KNDC1: variants seen among roughly 807,000 people sequenced by gnomAD.
KNDC1 encodes the protein kinase non-catalytic C-lobe domain containing 1.
A neutral mutation model predicts 172.8 loss-of-function variants in KNDC1; 106 were observed. The observed-to-expected ratio is 0.61, with a 90% CI of 0.52 to 0.72. The LOEUF is 0.72. KNDC1 is among the 30% of genes least tolerant of loss of function. The pLI is 0.00. For missense variants in KNDC1, 2,325 were observed against 2,394.5 expected (o/e 0.97, Z 0.61); for synonymous variants, 1,083 against 1,062.2 (o/e 1.02, Z -0.38).
At chr10:133,177,830 T>C (rs1453858201) in intron 3 of KNDC1, among the ~76,000 whole-genome samples, 5 of 151,928 alleles carry the variant, frequency 3.3e-5, no homozygotes, top group Non-Finnish European at 7.4e-5. Flanking sequence ...TGGTGTAATG[T>C]GTGCGTGCAT....
In KNDC1 at chr10:133,199,182, T is replaced by C; in HGVS notation, c.2674T>C (p.Ser892Pro). 1 of 1,595,538 alleles carries C rather than the reference T, an allele frequency of 6.3e-7. No individual in the cohort carries two copies. The highest frequency in any genetic ancestry group is 8.5e-7 in the Non-Finnish European group (1 of 1,171,804). ...SPLPGRTACP[S>P]LQEATRLIQE... ...ACTCCCAGGGAGGACGGCCTGCCCG[T>C]CGCTGCAGGAGGCCACGCGCCTCAT... Residue 892 changes from serine (S) to proline (P), a missense_variant, in exon 14 of 30, where the codon TCG becomes CCG. Physicochemically the swap from Ser to Pro is moderately conservative, Grantham distance 74. Coordinates refer to ENST00000304613, the MANE Select transcript of KNDC1 (RefSeq NM_152643.8).
intron 1 of KNDC1, among the ~76,000 whole-genome samples, chr10:133,166,922 C>T (rs1005506071): frequency 6.6e-6 from 1 of 152,158 alleles, no homozygotes; most frequent in East Asian, 1.9e-4. Flanking sequence ...GTTGGCAGCG[C>T]GTGTGGTTGT....
At position 133,186,458 on chromosome 10, in the gene KNDC1, A is replaced by G. The variant is rs1290565105; in HGVS notation, c.1110A>G (p.Glu370=). 2 of 1,612,384 alleles carry G rather than the reference A, an allele frequency of 1.2e-6. No individual in the cohort carries two copies. The highest frequency in any genetic ancestry group is 1.3e-5 in the African/African-American group (1 of 74,916). ...GGCTGTGGCCGGAGCAGGAGCCGGA[A>G]CACCAGCTGGGACGGGTTCCCTGTG... is the stretch of plus-strand genomic sequence containing the variant. ...KCRLWPEQEP[E]HQLGRVPCAG... is the part of the protein sequence containing the mutation. Residue 370 remains glutamate (E), a synonymous_variant, in exon 6 of 30, where the codon GAA becomes GAG. Coordinates refer to ENST00000304613, the MANE Select transcript of KNDC1 (RefSeq NM_152643.8).
chr10:133,165,589 G>A (rs767099260), intron 1 of KNDC1, among the ~76,000 whole-genome samples: 9 of 152,238 alleles, frequency 5.9e-5, no homozygotes, highest in Non-Finnish European at 1.0e-4. Context: ...GTCTGTGCCC[G>A]TGTTTGCAGG....
chr10:133,213,773 G>A lies in KNDC1; in HGVS notation c.4526+46G>A, dbSNP rs200353232. 1.8e-5 allele frequency: 28 copies of A among 1,570,814 alleles called. No individual in the cohort carries two copies. In the East Asian group the frequency reaches 2.9e-4, roughly 16 times the overall value. Reference sequence around the variant, plus strand: ...GCTGGGAGCGGTGGTGGAGGGTCTCGGGGGCTTCCCGTAAGAGTCTTGTGG... The same window carrying A: ...GCTGGGAGCGGTGGTGGAGGGTCTCAGGGGCTTCCCGTAAGAGTCTTGTGG... On this transcript the variant is annotated intron_variant, in intron 25 of 29. Transcript: ENST00000304613.
chr10:133,180,891 G>A (rs1475462194), intron 3 of KNDC1, among the ~76,000 whole-genome samples: 2 of 152,384 alleles, frequency 1.3e-5, no homozygotes, highest in East Asian at 3.9e-4. Flanking sequence ...AACTCGACGA[G>A]TGAGTTTACT....
intron 3 of KNDC1, among the ~76,000 whole-genome samples, chr10:133,181,009 C>G (rs967259586): frequency 6.6e-6 from 1 of 152,194 alleles, no homozygotes; most frequent in Admixed American, 6.5e-5. Flanking sequence ...GTGGAGGTGA[C>G]CTGGGACCCA....
In KNDC1 at chr10:133,212,794, G is replaced by A. The variant is rs375417854; in HGVS notation, c.4315G>A (p.Ala1439Thr). Residue 1439 changes from alanine to threonine, a missense_variant, in exon 24 of 30, where the codon GCC becomes ACC. Physicochemically the swap from Ala to Thr is moderately conservative, Grantham distance 58 (BLOSUM62 0). Transcript: ENST00000304613. Reference protein sequence around the residue: ...HKERPYTIAAALPKPCFLEDF... With the variant: ...HKERPYTIAATLPKPCFLEDF... Reference sequence around the variant, plus strand: ...GGAGCGCCCCTACACCATTGCTGCCGCCCTGCCCAAGCCCTGCTTCCTCGA... The same window carrying A: ...GGAGCGCCCCTACACCATTGCTGCCACCCTGCCCAAGCCCTGCTTCCTCGA... The A allele has an allele frequency of 2.5e-5, 41 of 1,613,850 alleles. No homozygotes were observed. Among genetic ancestry groups the A allele is most frequent in the Non-Finnish European group, 3.3e-5 (39 of 1,179,972 alleles).
Position 133,201,515 on chromosome 10 carries a change from G to A in KNDC1, c.3004G>A (p.Ala1002Thr), listed in dbSNP as rs1854364006. 1 of 1,601,336 alleles carries A rather than the reference G, an allele frequency of 6.2e-7. No individual in the cohort carries two copies. Among genetic ancestry groups the A allele is most frequent in the Admixed American group, 1.7e-5 (1 of 57,608 alleles). Residue 1002 changes from alanine (A) to threonine (T), a missense_variant, in exon 17 of 30, where the codon GCC (alanine) becomes ACC (threonine). By Grantham distance (58) the Ala-to-Thr change is moderately conservative (BLOSUM62 0). Coordinates refer to ENST00000304613, the MANE Select transcript of KNDC1 (RefSeq NM_152643.8). ...SLHRLGKEKP[A>T]MARTSSRAPC... ...TTTCTTTCAAGGAAAAGAGAAGCCA[G>A]CCATGGCCAGGACCAGCAGCAGGGC...
intron 3 of KNDC1, 61 bp from the exon 4 acceptor site, chr10:133,183,283 G>A: frequency 1.3e-6 from 2 of 1,489,388 alleles, no homozygotes; most frequent in South Asian, 2.6e-5. Context: ...AGAAGTGCTG[G>A]CCGCGGTCGG....
At chr10:133,178,042 CGT>C (rs1168266996) in intron 3 of KNDC1, among the ~76,000 whole-genome samples, 8 of 138,304 alleles carry the variant, frequency 5.8e-5, no homozygotes, top group Admixed American at 2.9e-4. Context: ...CATGGGCACA[CGT>C]GTGTAGCATG....
At chr10:133,172,796 G>A (rs1272264203) in intron 3 of KNDC1, among the ~76,000 whole-genome samples, 1 of 152,200 alleles carries the variant, frequency 6.6e-6, no homozygotes, top group Non-Finnish European at 1.5e-5. Flanking sequence ...GAAGACCAGA[G>A]TTAGAGACCA....
chr10:133,213,800 C>G lies in KNDC1; in HGVS notation c.4526+73C>G. 3 of 1,470,570 alleles carry G rather than the reference C, an allele frequency of 2.0e-6. No homozygotes were observed. In the South Asian group the frequency reaches 3.4e-5, roughly 17 times the overall value. 91.1% of individuals were successfully genotyped at this position (1,470,570 alleles called of 1,614,324 possible). A position where few individuals can be genotyped will look rare whatever the true frequency, so the allele number is the denominator to read the frequency against. On this transcript the variant is annotated intron_variant, in intron 25 of 29. Transcript: ENST00000304613. ...GGGCTTCCCGTAAGAGTCTTGTGGACGCTCCTGACCAGCAGGAGATGCCTG... is the reference window on the plus strand; with the variant it reads ...GGGCTTCCCGTAAGAGTCTTGTGGAGGCTCCTGACCAGCAGGAGATGCCTG...
At chr10:133,183,824 G>C (rs752346534) in intron 4 of KNDC1, 48 bp from the exon 5 acceptor site, 6 of 1,422,836 alleles carry the variant, frequency 4.2e-6, no homozygotes, top group South Asian at 1.3e-5. Context: ...GGCTGCGGGA[G>C]ATGGCCCCTC....
chr10:133,170,305 C>T (rs920888390), intron 3 of KNDC1, among the ~76,000 whole-genome samples: 19 of 152,156 alleles, frequency 1.2e-4, no homozygotes, highest in Admixed American at 7.2e-4. Context: ...CCCGAGAACA[C>T]GGTGTGAGGA....
chr10:133,193,932 T>C lies in KNDC1; in HGVS notation c.1576-1731T>C, dbSNP rs537566802. ...AGCTGCAGAATATGTGAAGCAAAAC[T>C]GATAGAATTAATAGAGACACAGATG... is the stretch of plus-strand genomic sequence containing the variant. On this transcript the variant is annotated intron_variant, in intron 9 of 29. Transcript: ENST00000304613. 1.4e-3 allele frequency among the ~76,000 whole-genome samples: 206 copies of C among 152,298 alleles called. 1 individual carries two copies. Among genetic ancestry groups the C allele is most frequent in the African/African-American group, 4.8e-3 (200 of 41,558 alleles).
At chr10:133,191,950 C>T (rs1854080070) in intron 9 of KNDC1, among the ~76,000 whole-genome samples, 1 of 152,218 alleles carries the variant, frequency 6.6e-6, no homozygotes, top group Admixed American at 6.5e-5. Flanking sequence ...CCTTCCTTCC[C>T]TGCAGCGTGT....
chr10:133,197,088 A>AT lies in KNDC1; in HGVS notation c.1766dup (p.Met589IlefsTer34). ...CGGCAGCTACCTCCTCCAGCGAGGC[A>AT]TGGACAGCCGGAAAATCCTTGCCCA... is the stretch of plus-strand genomic sequence containing the variant. On this transcript the variant is annotated frameshift_variant, in exon 11 of 30. Transcript: ENST00000304613. LOFTEE classifies it high-confidence loss of function. The AT allele has an allele frequency of 6.2e-7, 1 of 1,613,258 alleles. No homozygotes were observed. The highest frequency in any genetic ancestry group is 8.5e-7 in the Non-Finnish European group (1 of 1,179,906).
chr10:133,168,218 CAGA>C (rs1853243041), intron 2 of KNDC1, 33 bp from the exon 3 acceptor site: 4 of 1,598,758 alleles, frequency 2.5e-6, no homozygotes, highest in Non-Finnish European at 3.4e-6. Flanking sequence ...CAGGTGTGAC[CAGA>C]AGCCTTCTCT....
Sources: gnomAD v4.1 joint callset for allele counts (sites outside exome capture counted in the v4.1 genomes callset) on GRCh38, gnomAD v4.1.1 for gene constraint, MANE v1.5 for transcripts, NCBI Gene and HGNC (gene_info 2026-07-23, HGNC 2026-07-21) for gene names.